Variants in PKN2 observed in about 807,000 individuals in gnomAD.
The protein encoded by PKN2 is serine/threonine-protein kinase N2.
PKN2 carries 38 observed loss-of-function variants against 119.1 expected under a neutral mutation model. That is an observed-to-expected ratio of 0.32 (90% CI 0.25 to 0.42). The LOEUF is 0.42. Ranked by LOEUF, PKN2 falls within the 10% of genes least tolerant of loss-of-function variation. The pLI, the probability that PKN2 is intolerant of heterozygous loss-of-function variation, is 1.00. For synonymous variants in PKN2, 390 were observed against 384.9 expected, an observed-to-expected ratio of 1.01 and a Z score of -0.15; for missense variants, 850 against 1,165.1, an observed-to-expected ratio of 0.73 and a Z score of 3.94.
At chr1:88,742,379 A>T (rs1413771186) in intron 2 of PKN2, among the ~76,000 whole-genome samples, 2 of 152,184 alleles carry the variant, frequency 1.3e-5, no homozygotes, top group African/African-American at 4.8e-5. Flanking sequence ...TTGTTTTTCG[A>T]CATCACTTTC....
intron 8 of PKN2, among the ~76,000 whole-genome samples, chr1:88,794,518 T>C (rs1670981315): frequency 1.3e-5 from 2 of 152,268 alleles, no homozygotes; most frequent in South Asian, 4.1e-4. Context: ...GCAAGATTAC[T>C]TGAGCCCAGG....
intron 1 of PKN2, among the ~76,000 whole-genome samples, chr1:88,723,875 A>G (rs909960308): frequency 2.6e-5 from 4 of 152,156 alleles, no homozygotes; most frequent in Admixed American, 6.5e-5. Context: ...CCCTTCTTAT[A>G]TAATATTTTG....
intron 1 of PKN2, among the ~76,000 whole-genome samples, chr1:88,719,735 G>A (rs1171160490): frequency 6.6e-6 from 1 of 151,902 alleles, no homozygotes; most frequent in Non-Finnish European, 1.5e-5. Flanking sequence ...AAACAATTTA[G>A]TTTCATCTTT....
At chr1:88,778,453 T>C (rs1670193917) in intron 6 of PKN2, among the ~76,000 whole-genome samples, 1 of 152,242 alleles carries the variant, frequency 6.6e-6, no homozygotes, top group Admixed American at 6.5e-5. Context: ...AGGTTAGAGC[T>C]TAGGGTGTTC....
At chr1:88,821,731 C>A (rs1672300437) in intron 16 of PKN2, among the ~76,000 whole-genome samples, 1 of 152,168 alleles carries the variant, frequency 6.6e-6, no homozygotes, top group African/African-American at 2.4e-5. Context: ...CTCCACTAGG[C>A]AAAGTTAATG....
At chr1:88,709,353 A>G (rs1368784821) in intron 1 of PKN2, among the ~76,000 whole-genome samples, 1 of 152,052 alleles carries the variant, frequency 6.6e-6, no homozygotes, top group Non-Finnish European at 1.5e-5. Flanking sequence ...CACCCGGCCC[A>G]TCAAAATATT....
intron 1 of PKN2, among the ~76,000 whole-genome samples, chr1:88,716,154 A>C (rs897456565): frequency 2.0e-5 from 3 of 152,070 alleles, no homozygotes; most frequent in Admixed American, 2.0e-4. Flanking sequence ...TGTGGTCTGA[A>C]AGACAGTTCG....
In PKN2 at chr1:88,724,304, A is replaced by C. The variant is rs566878037; in HGVS notation, c.49-16684A>C. Reference sequence around the variant, plus strand: ...GATAGTTTATATTCATTAGTTCCACAGTATGATTTGTCTCCTAGGCCTTGA... The same window carrying C: ...GATAGTTTATATTCATTAGTTCCACCGTATGATTTGTCTCCTAGGCCTTGA... On this transcript the variant is annotated intron_variant, in intron 1 of 21. Transcript: ENST00000370521. 3.9e-5 allele frequency among the ~76,000 whole-genome samples: 6 copies of C among 152,324 alleles called. No homozygotes were observed. The South Asian group carries it at 1.2e-3, about 32-fold the overall frequency.
At chr1:88,752,694 G>A (rs1669049977) in intron 2 of PKN2, among the ~76,000 whole-genome samples, 1 of 152,030 alleles carries the variant, frequency 6.6e-6, no homozygotes, top group South Asian at 2.1e-4. Context: ...TTGCCTTAAA[G>A]TATCTTTTGT....
chr1:88,789,670 TAATAATA>T (rs1231400863), intron 8 of PKN2, among the ~76,000 whole-genome samples: 1 of 150,336 alleles, frequency 6.7e-6, no homozygotes. Context: ...CTCATAATAA[TAATAATA>T]ATAATAATAA....
chr1:88,763,533 G>A lies in PKN2; in HGVS notation c.504+3157G>A, dbSNP rs182914071. ...GAGGCAAGAGAATCACTTGAACCTG[G>A]GAGGCAGAGGTTGTGGTGAGCCAAG... On this transcript the variant is annotated intron_variant, in intron 3 of 21. Coordinates refer to ENST00000370521, the MANE Select transcript of PKN2 (RefSeq NM_006256.4). 7.0e-3 allele frequency among the ~76,000 whole-genome samples: 1,062 copies of A among 151,402 alleles called. 7 individuals are homozygous for A. Among genetic ancestry groups the A allele is most frequent in the Non-Finnish European group, 7.0e-3 (478 of 67,912 alleles).
chr1:88,723,869 T>G (rs1390564045), intron 1 of PKN2, among the ~76,000 whole-genome samples: 1 of 152,150 alleles, frequency 6.6e-6, no homozygotes, highest in Non-Finnish European at 1.5e-5. Flanking sequence ...TACACCCCCT[T>G]CTTATATAAT....
rs762017746 is a variant in PKN2 at position 88,733,242 on chromosome 1, GTTTAA to G, written c.49-7745_49-7741del. Among the ~76,000 whole-genome samples, 8 of 152,218 alleles carry G rather than the reference GTTTAA, an allele frequency of 5.3e-5. No homozygotes were observed. In the East Asian group the frequency reaches 1.3e-3, roughly 26 times the overall value. ...ATTTATCGGATCATGTGGTAGTTCT[GTTTAA>G]AATTTTTTGAGTAGCCTTCATGCTG... On this transcript the variant is annotated intron_variant, in intron 1 of 21. Coordinates refer to ENST00000370521, the MANE Select transcript of PKN2 (RefSeq NM_006256.4).
At chr1:88,750,643 C>T (rs1190489361) in intron 2 of PKN2, among the ~76,000 whole-genome samples, 1 of 152,106 alleles carries the variant, frequency 6.6e-6, no homozygotes, top group African/African-American at 2.4e-5. Flanking sequence ...ACCTGGATGT[C>T]CTGTTGGCTT....
chr1:88,771,418 T>C lies in PKN2; in HGVS notation c.623-3T>C. The C allele has an allele frequency of 1.3e-6, 2 of 1,574,168 alleles. No individual in the cohort carries two copies. The highest frequency in any genetic ancestry group is 2.4e-5 in the South Asian group (2 of 82,984). On this transcript the variant is annotated splice_polypyrimidine_tract_variant and splice_region_variant and intron_variant, in intron 4 of 21. Transcript: ENST00000370521. ...GCAATTAAAATTTTTTTTTCCTTTC[T>C]AGCAAAACCTGTGATAAGTCCTCTT...
At chr1:88,805,445 G>A in intron 10 of PKN2, 52 bp from the exon 11 acceptor site, 1 of 1,383,796 alleles carries the variant, frequency 7.2e-7, no homozygotes, top group Non-Finnish European at 9.9e-7. Flanking sequence ...TATGACTTTT[G>A]GTTATACATA....
At chr1:88,757,034 T>C (rs1407598455) in intron 2 of PKN2, among the ~76,000 whole-genome samples, 2 of 152,112 alleles carry the variant, frequency 1.3e-5, no homozygotes, top group African/African-American at 4.8e-5. Flanking sequence ...CTATACTAGA[T>C]ATATACTAAG....
Position 88,709,169 on chromosome 1 carries a change from T to C in PKN2, c.48+24541T>C, listed in dbSNP as rs568442926. On this transcript the variant is annotated intron_variant, in intron 1 of 21. Coordinates refer to ENST00000370521, the MANE Select transcript of PKN2 (RefSeq NM_006256.4). ...CCCGGGTACAAGTGATTCTCCTGCC[T>C]CAGCCTCCCGAGTAGCTGGGATTAC... Among the ~76,000 whole-genome samples the C allele has an allele frequency of 2.5e-3, 379 of 152,116 alleles. 3 individuals carry two copies. Among genetic ancestry groups the C allele is most frequent in the African/African-American group, 8.8e-3 (364 of 41,482 alleles).
At chr1:88,741,549 G>C (rs1668580390) in intron 2 of PKN2, among the ~76,000 whole-genome samples, 1 of 152,090 alleles carries the variant, frequency 6.6e-6, no homozygotes, top group South Asian at 2.1e-4. Flanking sequence ...GTTACTTAGA[G>C]TGAGTCTCCA....
Sources: allele counts gnomAD v4.1 joint callset (sites outside exome capture counted in the v4.1 genomes callset), GRCh38; gene constraint gnomAD v4.1.1; transcripts MANE v1.5; gene names NCBI Gene and HGNC (gene_info 2026-07-23, HGNC 2026-07-21).